DNAH11: variants seen among roughly 807,000 people sequenced by gnomAD.
DNAH11 encodes axonemal beta dynein heavy chain 11.
A neutral mutation model predicts 526.0 loss-of-function variants in DNAH11; 442 were observed. The ratio of observed to expected loss-of-function variants is 0.84; its 90% CI spans 0.78 to 0.91. The LOEUF (loss-of-function observed/expected upper bound fraction) is 0.91, where lower values mean the gene tolerates loss of function less well. Among genes scored for constraint, DNAH11 ranks in the 40% least tolerant of loss-of-function variants. The pLI, the probability that DNAH11 is intolerant of heterozygous loss-of-function variation, is 0.00. For synonymous variants in DNAH11, 2,461 were observed against 1,935.9 expected, an observed-to-expected ratio of 1.27 and a Z score of -7.12; for missense variants, 6,989 against 5,448.7, an observed-to-expected ratio of 1.28 and a Z score of -8.90.
chr7:21,746,248 G>A (rs1786145910), intron 51 of DNAH11, among the ~76,000 whole-genome samples: 1 of 152,096 alleles, frequency 6.6e-6, no homozygotes, highest in African/African-American at 2.4e-5. Flanking sequence ...ACACCAGCAG[G>A]AAGACTTCAA....
At chr7:21,811,929 A>C (rs562105785) in intron 63 of DNAH11, among the ~76,000 whole-genome samples, 1 of 152,272 alleles carries the variant, frequency 6.6e-6, no homozygotes, top group Admixed American at 6.5e-5. Flanking sequence ...TCCCATCAAA[A>C]AAGGAGGTAC....
chr7:21,776,988 G>A (rs1025557599), intron 56 of DNAH11, among the ~76,000 whole-genome samples: 1 of 151,702 alleles, frequency 6.6e-6, no homozygotes, highest in African/African-American at 2.4e-5. Context: ...TTTATCACAT[G>A]TAGGTCTGGG....
intron 30 of DNAH11, among the ~76,000 whole-genome samples, chr7:21,660,272 A>G (rs1036832948): frequency 3.9e-5 from 6 of 152,172 alleles, no homozygotes; most frequent in Admixed American, 3.3e-4. Context: ...GACCATTTTC[A>G]TTATGCATAT....
chr7:21,773,907 A>C lies in DNAH11; in HGVS notation c.9244A>C (p.Lys3082Gln), dbSNP rs1057519105. 6.2e-7 allele frequency: 1 copy of C among 1,602,218 alleles called. No homozygotes were observed. The change falls in exon 56 of 82, where the codon AAG becomes CAG. Residue 3082 changes from lysine (K) to glutamine (Q), a missense_variant. Lys to Gln is a moderately conservative substitution (Grantham distance 53). Transcript: ENST00000409508. ...TTTTCTAGAACAAATATCACTGTTTAAGAACCTGTTGAAGAAGAAGCAAAA... is the reference window on the plus strand; with the variant it reads ...TTTTCTAGAACAAATATCACTGTTTCAGAACCTGTTGAAGAAGAAGCAAAA... ...KSFLEQISLF[K>Q]NLLKKKQNEV...
chr7:21,565,872 A>T (rs980063488), intron 6 of DNAH11, among the ~76,000 whole-genome samples: 2 of 152,194 alleles, frequency 1.3e-5, no homozygotes, highest in Non-Finnish European at 2.9e-5. Context: ...AGCAGATAAC[A>T]ACAGGTCGAT....
chr7:21,646,752 A>G (rs1583559778), intron 28 of DNAH11, among the ~76,000 whole-genome samples: 1 of 152,342 alleles, frequency 6.6e-6, no homozygotes. Context: ...AGCGGGGAAT[A>G]AATAGCCCTA....
chr7:21,600,969 T>G lies in DNAH11; in HGVS notation c.3255+39T>G, dbSNP rs570897801. 33 of 1,611,436 alleles carry G rather than the reference T, an allele frequency of 2.0e-5. 2 individuals are homozygous for G. The South Asian group carries it at 3.5e-4, about 17-fold the overall frequency. ...TTAGCATTTAATGTAGTGAAATGGC[T>G]TTTCACTGAGTTGTTCTAATTAATC... On this transcript the variant is annotated intron_variant, in intron 16 of 81. Transcript: ENST00000409508.
chr7:21,743,392 G>T (rs1786002854), intron 49 of DNAH11, among the ~76,000 whole-genome samples: 1 of 152,152 alleles, frequency 6.6e-6, no homozygotes, highest in Admixed American at 6.5e-5. Flanking sequence ...TTATGTATTT[G>T]ACTTAGGAAA....
At chr7:21,837,815 C>T (rs1469928421) in intron 65 of DNAH11, among the ~76,000 whole-genome samples, 3 of 152,016 alleles carry the variant, frequency 2.0e-5, no homozygotes, top group Non-Finnish European at 2.9e-5. Context: ...TATATTTCAA[C>T]ATAACTAGAA....
chr7:21,894,682 G>T lies in DNAH11; in HGVS notation c.12810G>T (p.Glu4270Asp). 1 of 1,613,906 alleles carries T rather than the reference G, an allele frequency of 6.2e-7. No individual in the cohort carries two copies. Among genetic ancestry groups the T allele is most frequent in the African/African-American group, 1.3e-5 (1 of 75,040 alleles). Reference sequence around the variant, plus strand: ...TTCCAGAAGAGTTCAACATGGCAGAGATAATGCAAAAAAATTCAAATAGAA... The same window carrying T: ...TTCCAGAAGAGTTCAACATGGCAGATATAATGCAAAAAAATTCAAATAGAA... The part of the protein sequence containing the change: ...EKLPEEFNMA[E>D]IMQKNSNRSP... The change falls in exon 78 of 82, where the codon GAG (glutamate) becomes GAT (aspartate). Residue 4270 changes from glutamate to aspartate, a missense_variant. Coordinates refer to ENST00000409508, the MANE Select transcript of DNAH11 (RefSeq NM_001277115.2).
At chr7:21,828,980 A>G (rs932372882) in intron 65 of DNAH11, among the ~76,000 whole-genome samples, 7 of 152,110 alleles carry the variant, frequency 4.6e-5, no homozygotes, top group African/African-American at 1.7e-4. Flanking sequence ...GCAGCTTTCA[A>G]CCAAAACCTT....
At chr7:21,853,228 G>A (rs10268994) in intron 67 of DNAH11, among the ~76,000 whole-genome samples, 93,408 of 152,044 alleles carry the variant, frequency 0.61, 29,203 homozygotes, top group Non-Finnish European at 0.65. Context: ...GACTTTCACA[G>A]ATGACCGTTA....
chr7:21,699,658 T>A (rs1783982646), intron 36 of DNAH11, among the ~76,000 whole-genome samples: 2 of 152,146 alleles, frequency 1.3e-5, no homozygotes, highest in South Asian at 4.1e-4. Context: ...GATAGTAAGA[T>A]TATGGGTGTT....
At chr7:21,860,259 A>G (rs1350646201) in intron 68 of DNAH11, among the ~76,000 whole-genome samples, 1 of 150,160 alleles carries the variant, frequency 6.7e-6, no homozygotes, top group African/African-American at 2.4e-5. Flanking sequence ...ATGAGATATC[A>G]CCTCACACCC....
intron 70 of DNAH11, among the ~76,000 whole-genome samples, chr7:21,866,113 A>C (rs12700316): frequency 0.56 from 84,669 of 151,954 alleles, 27,892 homozygotes; most frequent in Non-Finnish European, 0.74. Context: ...CTAGGAATGC[A>C]GCCCAGCAAG....
chr7:21,841,578 T>C (rs1782204892), intron 65 of DNAH11, among the ~76,000 whole-genome samples: 1 of 150,954 alleles, frequency 6.6e-6, no homozygotes, highest in African/African-American at 2.5e-5. Flanking sequence ...CTGGAATGTC[T>C]ATATGGTCCC....
intron 51 of DNAH11, among the ~76,000 whole-genome samples, chr7:21,745,882 G>T (rs1786128498): frequency 6.6e-6 from 1 of 152,184 alleles, no homozygotes; most frequent in South Asian, 2.1e-4. Context: ...AGCATGGAAA[G>T]ATCTGGAGGA....
At chr7:21,612,293 C>T (rs142888178) in intron 20 of DNAH11, among the ~76,000 whole-genome samples, 111 of 152,056 alleles carry the variant, frequency 7.3e-4, no homozygotes, top group African/African-American at 2.3e-3. Context: ...TGGTGGCTCA[C>T]GCCTGTAATC....
chr7:21,543,655 C>G (rs886152488), intron 1 of DNAH11, 59 bp downstream of exon 1: 5 of 1,502,394 alleles, frequency 3.3e-6, no homozygotes, highest in Non-Finnish European at 4.5e-6. Context: ...GGGGAGACAG[C>G]CCAGTCGCTC....
Sources: allele counts gnomAD v4.1 joint callset (sites outside exome capture counted in the v4.1 genomes callset), GRCh38; gene constraint gnomAD v4.1.1; transcripts MANE v1.5; gene names NCBI Gene and HGNC (gene_info 2026-07-23, HGNC 2026-07-21).